Variants in UTY observed in about 807,000 individuals in gnomAD.
UTY encodes the protein ubiquitously transcribed tetratricopeptide repeat containing, Y-linked.
A neutral mutation model predicts 32.5 loss-of-function variants in UTY; 12 were observed. That is an observed-to-expected ratio of 0.37 (90% CI 0.24 to 0.60). The LOEUF is 0.60. UTY is among the 20% of genes least tolerant of loss of function. UTY has a pLI of 0.69. For synonymous variants in UTY, 131 were observed against 103.4 expected (o/e 1.27, Z -1.62); for missense variants, 303 against 299.2 (o/e 1.01, Z -0.09).
chrY:13,455,684 T>C (rs2076756253), intron 3 of UTY, among the ~76,000 whole-genome samples: 2 of 33,569 alleles, frequency 6.0e-5, no homozygotes, highest in South Asian at 1.3e-3. Flanking sequence ...GGTCCATCAA[T>C]AGGATAAGGA....
intron 27 of UTY, among the ~76,000 whole-genome samples, chrY:13,280,757 G>A (rs2056964256): frequency 3.1e-5 from 1 of 32,704 alleles, no homozygotes; most frequent in South Asian, 6.7e-4. Flanking sequence ...CAGGTGATCC[G>A]TCTGCCTTGG....
At chrY:13,454,889 TCAC>T (rs2076642045) in intron 3 of UTY, among the ~76,000 whole-genome samples, 1 of 19,313 alleles carries the variant, frequency 5.2e-5, no homozygotes. Flanking sequence ...GTGAGTCAGA[TCAC>T]ACCACTTCAT....
intron 8 of UTY, among the ~76,000 whole-genome samples, chrY:13,387,646 C>T: frequency 3.1e-5 from 1 of 32,527 alleles, no homozygotes; most frequent in Non-Finnish European, 7.5e-5. Flanking sequence ...CCCTTCTCTA[C>T]TAAAAATACA....
intron 28 of UTY, among the ~76,000 whole-genome samples, chrY:13,240,549 G>C: frequency 3.0e-5 from 1 of 33,428 alleles, no homozygotes; most frequent in South Asian, 6.6e-4. Context: ...CCTACAGAAT[G>C]GTTTACCCCA....
intron 3 of UTY, among the ~76,000 whole-genome samples, chrY:13,468,397 C>T: frequency 3.0e-5 from 1 of 33,323 alleles, no homozygotes; most frequent in Non-Finnish European, 7.4e-5. Context: ...AATTTCAGGC[C>T]GGGTGCGGTG....
At chrY:13,440,150 C>T (rs779005627) in intron 4 of UTY, among the ~76,000 whole-genome samples, 3 of 33,124 alleles carry the variant, frequency 9.1e-5, no homozygotes, top group African/African-American at 3.6e-4. Flanking sequence ...AATGAAAAAT[C>T]GCCAAGCCCT....
At chrY:13,445,449 T>G in intron 4 of UTY, among the ~76,000 whole-genome samples, 1 of 28,042 alleles carries the variant, frequency 3.6e-5, no homozygotes, top group Admixed American at 3.4e-4. Flanking sequence ...CTAAAATACA[T>G]CTTCACAAAA....
intron 3 of UTY, among the ~76,000 whole-genome samples, chrY:13,458,098 A>T (rs2076926005): frequency 2.9e-5 from 1 of 34,013 alleles, no homozygotes; most frequent in Non-Finnish European, 7.3e-5. Context: ...GAGTATACAT[A>T]GAAACTCTCT....
At chrY:13,358,439 C>A (rs1435051634) in intron 14 of UTY, 25 bp downstream of exon 14, 2 of 374,120 alleles carry the variant, frequency 5.3e-6, no homozygotes, top group South Asian at 6.6e-5. Context: ...CTGGGATTTT[C>A]CATATCTCTA....
chrY:13,264,560 A>G (rs767640220), intron 27 of UTY, among the ~76,000 whole-genome samples: 45 of 33,104 alleles, frequency 1.4e-3, no homozygotes, highest in African/African-American at 3.9e-3. Context: ...TGTTGGCCAC[A>G]TATCTTTTGA....
At position 13,323,631 on chromosome Y, in the gene UTY, C is replaced by T. The variant is rs769640702; in HGVS notation, c.3200G>A (p.Cys1067Tyr). ...TGTAGTATGAGATCTATTGCTTTCA[C>T]AACGCCAGATTTTCTTTGTTCCAGT... ...DPTGTKKIWR[C>Y]ESNRSHTTIA... Residue 1067 changes from cysteine to tyrosine, a missense_variant, in exon 21 of 30, where the codon TGT (cysteine) becomes TAT (tyrosine). Physicochemically the swap from Cys to Tyr is radical, Grantham distance 194. Coordinates refer to ENST00000545955, the MANE Select transcript of UTY (RefSeq NM_001258249.2). 1 of 398,318 alleles carries T rather than the reference C, an allele frequency of 2.5e-6. No homozygotes were observed. The highest frequency in any genetic ancestry group is 7.4e-5 in the Admixed American group (1 of 13,488).
At chrY:13,339,505 G>A in intron 17 of UTY, among the ~76,000 whole-genome samples, 1 of 33,825 alleles carries the variant, frequency 3.0e-5, no homozygotes, top group South Asian at 6.6e-4. Context: ...AGGGCGTGAT[G>A]ACTAGTCTGA....
intron 28 of UTY, among the ~76,000 whole-genome samples, chrY:13,253,740 C>T: frequency 6.0e-5 from 2 of 33,511 alleles, no homozygotes; most frequent in Non-Finnish European, 1.5e-4. Flanking sequence ...ACTCCTTACT[C>T]GAGCTTGTCT....
chrY:13,330,671 A>C, intron 18 of UTY, among the ~76,000 whole-genome samples: 1 of 32,763 alleles, frequency 3.1e-5, no homozygotes, highest in East Asian at 8.0e-4. Context: ...AGAACCATTC[A>C]CTCCACTGGA....
At chrY:13,431,058 AG>A (rs2073960310) in intron 4 of UTY, among the ~76,000 whole-genome samples, 1 of 33,445 alleles carries the variant, frequency 3.0e-5, no homozygotes, top group East Asian at 7.7e-4. Flanking sequence ...AAAATAAGAG[AG>A]GAAAAAAAAG....
chrY:13,450,028 TCAAA>T, intron 3 of UTY, among the ~76,000 whole-genome samples: 1 of 33,459 alleles, frequency 3.0e-5, no homozygotes, highest in Non-Finnish European at 7.4e-5. Context: ...CTTGCTTTTT[TCAAA>T]CAATCATAAA....
intron 28 of UTY, among the ~76,000 whole-genome samples, chrY:13,235,128 T>C (rs2053838355): frequency 5.8e-5 from 2 of 34,235 alleles, no homozygotes; most frequent in Non-Finnish European, 1.5e-4. Context: ...GCCTTGAGCA[T>C]GAGCACAGCT....
At chrY:13,235,414 C>T (rs2053841815) in intron 28 of UTY, among the ~76,000 whole-genome samples, 6 of 33,660 alleles carry the variant, frequency 1.8e-4, no homozygotes, top group Admixed American at 5.3e-4. Flanking sequence ...GGGAGGGCGG[C>T]GCCCCCACTT....
chrY:13,290,048 TTATGAC>T (rs2057674283), intron 27 of UTY, among the ~76,000 whole-genome samples: 1 of 31,990 alleles, frequency 3.1e-5, no homozygotes, highest in Non-Finnish European at 7.7e-5. Flanking sequence ...ACAGGAAAGT[TTATGAC>T]TATAAGTGCC....
Sources: allele counts gnomAD v4.1 joint callset (sites outside exome capture counted in the v4.1 genomes callset), GRCh38; gene constraint gnomAD v4.1.1; transcripts MANE v1.5; gene names NCBI Gene and HGNC (gene_info 2026-07-23, HGNC 2026-07-21).